The following MYO10 variants were observed in gnomAD, a reference collection of about 807,000 sequenced individuals.
The protein encoded by MYO10 is myosin X.
In MYO10, 133 loss-of-function variants were observed where a neutral mutation model predicts 257.3. The ratio of observed to expected loss-of-function variants is 0.52; its 90% CI spans 0.45 to 0.60. MYO10 has a LOEUF of 0.60. Ranked by LOEUF, MYO10 falls within the 20% of genes least tolerant of loss-of-function variation. The pLI, the probability that MYO10 is intolerant of heterozygous loss-of-function variation, is 0.00. For missense variants in MYO10, 2,399 were observed against 2,635.7 expected, an observed-to-expected ratio of 0.91 and a Z score of 1.97; for synonymous variants, 1,104 against 1,028.6, an observed-to-expected ratio of 1.07 and a Z score of -1.40.
chr5:16,806,265 G>A (rs1310667779), intron 3 of MYO10, among the ~76,000 whole-genome samples: 15 of 151,784 alleles, frequency 9.9e-5, no homozygotes, highest in African/African-American at 2.7e-4. Flanking sequence ...TAGAAGAATC[G>A]GGAGGTGGAG....
At chr5:16,777,805 G>GA (rs1741263276) in intron 9 of MYO10, among the ~76,000 whole-genome samples, 1 of 142,222 alleles carries the variant, frequency 7.0e-6, no homozygotes, top group South Asian at 2.3e-4. Flanking sequence ...TGATTAGAAT[G>GA]ATAATGACGC....
intron 2 of MYO10, among the ~76,000 whole-genome samples, chr5:16,869,788 G>T (rs888261744): frequency 1.3e-5 from 2 of 151,006 alleles, no homozygotes; most frequent in African/African-American, 4.9e-5. Flanking sequence ...TCGCTTGAAC[G>T]CAGGAGACAA....
chr5:16,841,608 G>C (rs1743483241), intron 2 of MYO10, among the ~76,000 whole-genome samples: 1 of 152,156 alleles, frequency 6.6e-6, no homozygotes, highest in Non-Finnish European at 1.5e-5. Flanking sequence ...GAGAGAGAAG[G>C]ATGGTTAGGT....
chr5:16,715,830 T>C (rs1579892919), intron 19 of MYO10, among the ~76,000 whole-genome samples: 1 of 151,968 alleles, frequency 6.6e-6, no homozygotes, highest in African/African-American at 2.4e-5. Flanking sequence ...GCGAGGCAGG[T>C]GGATCACCTG....
chr5:16,820,569 G>A (rs1042714526), intron 2 of MYO10, among the ~76,000 whole-genome samples: 52 of 152,122 alleles, frequency 3.4e-4, no homozygotes, highest in African/African-American at 1.2e-3. Context: ...AGAAGACAGG[G>A]CACTGAAGCC....
Position 16,664,455 on chromosome 5 carries a change from T to C in MYO10, c.*2237A>G, listed in dbSNP as rs559439022. ...CATCCAAGTCTTTGCCGGCTTTCCT[T>C]GGGTGCCTGGCGGGGCCACAGGCTT... On this transcript the variant is annotated 3_prime_UTR_variant, in exon 41 of 41. Coordinates refer to ENST00000513610, the MANE Select transcript of MYO10 (RefSeq NM_012334.3). 1.3e-5 allele frequency: 2 copies of C among 152,342 alleles called. No homozygotes were observed. The highest frequency in any genetic ancestry group is 3.9e-4 in the East Asian group (2 of 5,172). 9.4% of individuals were successfully genotyped at this position (152,342 alleles called of 1,614,324 possible). A position where few individuals can be genotyped will look rare whatever the true frequency, so the allele number is the denominator to read the frequency against.
chr5:16,744,941 C>A (rs1005923114), intron 19 of MYO10, among the ~76,000 whole-genome samples: 1 of 152,166 alleles, frequency 6.6e-6, no homozygotes, highest in Non-Finnish European at 1.5e-5. Context: ...ATATTTGACA[C>A]GCTCCTATGA....
intron 1 of MYO10, among the ~76,000 whole-genome samples, chr5:16,934,997 AAC>A (rs1324775697): frequency 2.6e-5 from 4 of 152,242 alleles, no homozygotes; most frequent in Non-Finnish European, 4.4e-5. Context: ...TTATTAAATA[AAC>A]ACAACCAAGA....
At chr5:16,794,550 C>T (rs1379692477) in intron 4 of MYO10, 96 bp downstream of exon 4, 108 of 1,202,768 alleles carry the variant, frequency 9.0e-5, no homozygotes, top group Non-Finnish European at 1.2e-4. Flanking sequence ...GTTGTAAAAG[C>T]TTCCTCTGGT....
chr5:16,680,132 G>A (rs548077401), intron 32 of MYO10, 28 bp from the exon 33 acceptor site: 70 of 1,594,090 alleles, frequency 4.4e-5, no homozygotes, highest in Middle Eastern at 2.0e-4. Context: ...CCCAGCACAC[G>A]CACGTCAACG....
chr5:16,666,568 C>T lies in MYO10; in HGVS notation c.*124G>A, dbSNP rs1488246187. ...ATCCTCGGAGACACCTCCCTCAGAC[C>T]AGAAGCTTCCAGAAAGCCTGGGCAG... On this transcript the variant is annotated 3_prime_UTR_variant, in exon 41 of 41. Coordinates refer to ENST00000513610, the MANE Select transcript of MYO10 (RefSeq NM_012334.3). The T allele has an allele frequency of 2.7e-6, 2 of 750,996 alleles. No homozygotes were observed. The highest frequency in any genetic ancestry group is 4.2e-6 in the Non-Finnish European group (2 of 472,864). 46.5% of individuals were successfully genotyped at this position (750,996 alleles called of 1,614,324 possible).
intron 1 of MYO10, among the ~76,000 whole-genome samples, chr5:16,930,110 G>T (rs1412842079): frequency 6.6e-6 from 1 of 152,192 alleles, no homozygotes; most frequent in Non-Finnish European, 1.5e-5. Context: ...AGGGGAGAGG[G>T]TTTGTAAAGC....
intron 27 of MYO10, among the ~76,000 whole-genome samples, chr5:16,692,355 G>A (rs1474436049): frequency 6.6e-6 from 1 of 152,166 alleles, no homozygotes; most frequent in African/African-American, 2.4e-5. Flanking sequence ...GGGAGGCAGA[G>A]GTTGCAGTGA....
Position 16,886,854 on chromosome 5 carries a change from C to T in MYO10, c.22-9147G>A, listed in dbSNP as rs1721973938. ...GTCTGAAGCATGAGAATCGCTTGAA[C>T]CAGGGAGGCAGAGGTTCCAGTGAGC... is the stretch of plus-strand genomic sequence containing the variant. On this transcript the variant is annotated intron_variant, in intron 1 of 40. Coordinates refer to ENST00000513610, the MANE Select transcript of MYO10 (RefSeq NM_012334.3). 2.7e-5 allele frequency among the ~76,000 whole-genome samples: 4 copies of T among 150,788 alleles called. No individual in the cohort carries two copies. The South Asian group carries it at 8.4e-4, about 32-fold the overall frequency.
intron 19 of MYO10, among the ~76,000 whole-genome samples, chr5:16,712,915 G>C (rs146894605): frequency 6.6e-6 from 1 of 152,248 alleles, no homozygotes; most frequent in Admixed American, 6.5e-5. Context: ...AATTAGCCTT[G>C]GTGACTCTTA....
At chr5:16,718,261 G>A (rs1052338922) in intron 19 of MYO10, among the ~76,000 whole-genome samples, 4 of 152,168 alleles carry the variant, frequency 2.6e-5, no homozygotes, top group Non-Finnish European at 4.4e-5. Flanking sequence ...CTGTGCGGCC[G>A]GAGCCTCCCT....
Sources: allele counts gnomAD v4.1 joint callset (sites outside exome capture counted in the v4.1 genomes callset), GRCh38; gene constraint gnomAD v4.1.1; transcripts MANE v1.5; gene names NCBI Gene and HGNC (gene_info 2026-07-23, HGNC 2026-07-21).